The following CTNNA2 variants were observed in gnomAD, a reference collection of about 807,000 sequenced individuals.
The protein encoded by CTNNA2 is catenin alpha-2.
In CTNNA2, 42 loss-of-function variants were observed where a neutral mutation model predicts 101.0. That is an observed-to-expected ratio of 0.42 (90% CI 0.32 to 0.54). The LOEUF (loss-of-function observed/expected upper bound fraction) is 0.54. Among genes scored for constraint, CTNNA2 ranks in the 20% least tolerant of loss-of-function variants. CTNNA2 has a pLI of 0.14. For missense variants in CTNNA2, 871 were observed against 1,223.1 expected, an observed-to-expected ratio of 0.71 and a Z score of 4.29; for synonymous variants, 450 against 456.4, an observed-to-expected ratio of 0.99 and a Z score of 0.18.
intron 18 of CTNNA2, among the ~76,000 whole-genome samples, chr2:80,645,541 G>T (rs1247319723): frequency 3.3e-5 from 5 of 150,786 alleles, no homozygotes; most frequent in Non-Finnish European, 5.9e-5. Context: ...CTCCTGGATG[G>T]CTAGCTAGTT....
chr2:80,131,275 T>A (rs1380765314), intron 7 of CTNNA2, among the ~76,000 whole-genome samples: 1 of 152,096 alleles, frequency 6.6e-6, no homozygotes, highest in Non-Finnish European at 1.5e-5. Flanking sequence ...GCCAGGCTGG[T>A]CTCGAACTCC....
At chr2:79,862,934 G>A (rs1681733791) in intron 4 of CTNNA2, among the ~76,000 whole-genome samples, 1 of 152,172 alleles carries the variant, frequency 6.6e-6, no homozygotes, top group Non-Finnish European at 1.5e-5. Flanking sequence ...AGAGGTAATA[G>A]CTTCAGGCAA....
At chr2:79,810,078 A>T (rs1266329631) in intron 3 of CTNNA2, among the ~76,000 whole-genome samples, 1 of 152,216 alleles carries the variant, frequency 6.6e-6, no homozygotes, top group Non-Finnish European at 1.5e-5. Flanking sequence ...TAACAATATT[A>T]ACCTTAAATG....
chr2:80,335,754 C>T (rs899874427), intron 7 of CTNNA2, among the ~76,000 whole-genome samples: 1 of 152,138 alleles, frequency 6.6e-6, no homozygotes, highest in African/African-American at 2.4e-5. Flanking sequence ...ATAAATTCCA[C>T]AAGTGAGAGT....
At chr2:80,096,063 T>C (rs1156740696) in intron 7 of CTNNA2, among the ~76,000 whole-genome samples, 50 of 152,090 alleles carry the variant, frequency 3.3e-4, no homozygotes, top group Middle Eastern at 3.4e-3. Flanking sequence ...ATGTGTTTGC[T>C]CTTGCTTCTC....
At chr2:80,038,189 G>A (rs543639011) in intron 7 of CTNNA2, among the ~76,000 whole-genome samples, 5 of 152,258 alleles carry the variant, frequency 3.3e-5, no homozygotes, top group South Asian at 2.1e-4. Context: ...GGAGAAGGTC[G>A]GGATCCTGCT....
At chr2:79,828,303 A>G (rs190190382) in intron 3 of CTNNA2, among the ~76,000 whole-genome samples, 2 of 152,368 alleles carry the variant, frequency 1.3e-5, no homozygotes, top group East Asian at 1.9e-4. Context: ...CCTAAAATGC[A>G]TCATTTTGAG....
At chr2:79,357,695 A>G (rs1412354329) in intron 3 of CTNNA2, among the ~76,000 whole-genome samples, 1 of 152,222 alleles carries the variant, frequency 6.6e-6, no homozygotes, top group Admixed American at 6.5e-5. Flanking sequence ...AAGCTGCTAA[A>G]AAAACAAAGA....
chr2:79,757,511 A>G (rs1336944438), intron 3 of CTNNA2, among the ~76,000 whole-genome samples: 2 of 152,230 alleles, frequency 1.3e-5, no homozygotes, highest in Non-Finnish European at 2.9e-5. Flanking sequence ...TGTTTCACAG[A>G]AAACATTTAA....
chr2:80,419,343 T>C (rs1052952181), intron 8 of CTNNA2, 106 bp from the exon 9 acceptor site: 5 of 841,048 alleles, frequency 5.9e-6, no homozygotes, highest in African/African-American at 1.7e-5. Flanking sequence ...AAAATAGGAA[T>C]ATTATCTCCA....
chr2:80,570,092 A>G (rs1694446830), intron 12 of CTNNA2, among the ~76,000 whole-genome samples: 2 of 152,116 alleles, frequency 1.3e-5, no homozygotes, highest in African/African-American at 4.8e-5. Flanking sequence ...TCTGTTGCCC[A>G]GGCTGAAGTT....
At chr2:79,874,418 G>T in intron 6 of CTNNA2, 76 bp downstream of exon 6, 2 of 1,357,426 alleles carry the variant, frequency 1.5e-6, no homozygotes, top group Non-Finnish European at 2.0e-6. Flanking sequence ...GAGGATGAAG[G>T]GCCACTACAA....
At chr2:80,464,397 G>A (rs1463670417) in intron 9 of CTNNA2, among the ~76,000 whole-genome samples, 1 of 152,166 alleles carries the variant, frequency 6.6e-6, no homozygotes, top group East Asian at 1.9e-4. Flanking sequence ...GTTGTGGTCA[G>A]ATGTTTTAAT....
intron 6 of CTNNA2, among the ~76,000 whole-genome samples, chr2:79,891,966 A>T (rs1181398258): frequency 6.6e-6 from 1 of 152,142 alleles, no homozygotes; most frequent in Non-Finnish European, 1.5e-5. Flanking sequence ...CGAAAAATTA[A>T]ATCTGTTTAC....
rs114358484 is a variant in CTNNA2 at position 80,023,165 on chromosome 2, T to A, written c.1056+113368T>A. On this transcript the variant is annotated intron_variant, in intron 7 of 18. Transcript: ENST00000402739. Reference sequence around the variant, plus strand: ...GAAAAAATTACCCTAAACTGGTACTTTCCCAAATGTAATCTAGTTTAGCAT... The same window carrying A: ...GAAAAAATTACCCTAAACTGGTACTATCCCAAATGTAATCTAGTTTAGCAT... Among the ~76,000 whole-genome samples, 178 of 152,340 alleles carry A rather than the reference T, an allele frequency of 1.2e-3. 2 individuals are homozygous for A. The Middle Eastern group carries it at 0.031, about 26-fold the overall frequency.
intron 1 of CTNNA2, among the ~76,000 whole-genome samples, chr2:79,544,168 C>T (rs529925759): frequency 5.3e-5 from 8 of 152,312 alleles, no homozygotes; most frequent in Admixed American, 4.6e-4. Context: ...AAACTCTGGA[C>T]CTCAAGTGAT....
intron 3 of CTNNA2, among the ~76,000 whole-genome samples, chr2:79,807,785 T>C (rs1368319094): frequency 6.6e-6 from 1 of 152,180 alleles, no homozygotes; most frequent in African/African-American, 2.4e-5. Flanking sequence ...GAATTGTAAA[T>C]ACTAAGATAT....
chr2:79,740,358 T>G (rs1211001821), intron 2 of CTNNA2, among the ~76,000 whole-genome samples: 1 of 152,188 alleles, frequency 6.6e-6, no homozygotes, highest in Non-Finnish European at 1.5e-5. Context: ...ACAAATTTTC[T>G]TATTATTCTT....
chr2:79,607,541 G>A (rs1370645635), intron 1 of CTNNA2, among the ~76,000 whole-genome samples: 1 of 151,972 alleles, frequency 6.6e-6, no homozygotes, highest in Non-Finnish European at 1.5e-5. Flanking sequence ...ATAATTTAAG[G>A]CATAAACTGG....
Sources: gnomAD v4.1 joint callset for allele counts (sites outside exome capture counted in the v4.1 genomes callset) on GRCh38, gnomAD v4.1.1 for gene constraint, MANE v1.5 for transcripts, NCBI Gene and HGNC (gene_info 2026-07-23, HGNC 2026-07-21) for gene names.